The following ZNF385D variants were observed in gnomAD, a reference collection of about 807,000 sequenced individuals.
The protein encoded by ZNF385D is zinc finger protein 385D.
ZNF385D carries 15 observed loss-of-function variants against 35.8 expected under a neutral mutation model. That is an observed-to-expected ratio of 0.42 (90% confidence interval 0.28 to 0.64). The LOEUF is 0.64. Among genes scored for constraint, ZNF385D ranks in the 30% least tolerant of loss-of-function variants. The pLI is 0.23. For synonymous variants in ZNF385D, 212 were observed against 186.8 expected (o/e 1.13, Z -1.10); for missense variants, 474 against 494.6 (o/e 0.96, Z 0.39).
At chr3:21,720,903 C>T (rs2068513893) in intron 1 of ZNF385D, among the ~76,000 whole-genome samples, 1 of 152,080 alleles carries the variant, frequency 6.6e-6, no homozygotes, top group Non-Finnish European at 1.5e-5. Context: ...TGATTGCAAC[C>T]ACGCAATTAT....
rs1465086937 is a variant in ZNF385D, at chr3:22,094,393, T to TATATATATCAACAATATATATTGTTG, written c.325+74423_325+74424insCAACAATATATATTGTTGATATATAT. ...TTCTGTCATTTATTGTTGATATATA[T>TATATATATCAACAATATATATTGTTG]ATATATATATATATATAAAGGCATT... is the stretch of plus-strand genomic sequence containing the variant. On this transcript the variant is annotated intron_variant, in intron 3 of 5. Transcript: ENST00000494108. Among the ~76,000 whole-genome samples, 87 of 145,748 alleles carry TATATATATCAACAATATATATTGTTG rather than the reference T, an allele frequency of 6.0e-4. 2 individuals are homozygous for TATATATATCAACAATATATATTGTTG. The highest frequency in any genetic ancestry group is 2.0e-3 in the African/African-American group (81 of 39,546).
intron 3 of ZNF385D, among the ~76,000 whole-genome samples, chr3:21,913,172 A>C (rs1240892296): frequency 6.6e-6 from 1 of 152,084 alleles, no homozygotes; most frequent in Non-Finnish European, 1.5e-5. Flanking sequence ...CAGGAGAATG[A>C]ATCCTTGAGG....
intron 2 of ZNF385D, among the ~76,000 whole-genome samples, chr3:22,353,681 G>C (rs1262600486): frequency 6.6e-6 from 1 of 152,052 alleles, no homozygotes; most frequent in Non-Finnish European, 1.5e-5. Context: ...ATAACTCATG[G>C]TGATTTCAAT....
upstream of ZNF385D, among the ~76,000 whole-genome samples, chr3:21,755,228 A>C (rs2070288189): frequency 6.6e-6 from 1 of 152,166 alleles, no homozygotes; most frequent in Non-Finnish European, 1.5e-5. Context: ...AATTGTATCC[A>C]GTGTTCCTGA....
chr3:22,162,373 C>T (rs558200240), intron 3 of ZNF385D, among the ~76,000 whole-genome samples: 44 of 152,240 alleles, frequency 2.9e-4, no homozygotes, highest in Admixed American at 2.4e-3. Flanking sequence ...GTAAAGTAAA[C>T]AGCAGATGCA....
intron 2 of ZNF385D, among the ~76,000 whole-genome samples, chr3:22,219,262 C>T (rs561859421): frequency 6.6e-6 from 1 of 152,184 alleles, no homozygotes; most frequent in South Asian, 2.1e-4. Flanking sequence ...TCTGATATTT[C>T]TAGTCTTTTT....
Position 21,633,674 on chromosome 3 carries a change from TC to T in ZNF385D, c.165+31211del, listed in dbSNP as rs550914707. ...TAAGTTATTTAGGCAATCAATAAAT[TC>T]ATTATGATTCTCAAAGGTGGATGTT... On this transcript the variant is annotated intron_variant, in intron 2 of 7. Transcript: ENST00000281523. Among the ~76,000 whole-genome samples the T allele has an allele frequency of 1.2e-4, 18 of 152,240 alleles. No homozygotes were observed. In the South Asian group the frequency reaches 3.7e-3, roughly 31 times the overall value.
intron 3 of ZNF385D, among the ~76,000 whole-genome samples, chr3:21,767,383 T>C (rs1048749995): frequency 2.0e-5 from 3 of 152,130 alleles, no homozygotes; most frequent in African/African-American, 7.2e-5. Flanking sequence ...TCATTCTTTT[T>C]TTTCCAAGAT....
chr3:21,858,970 G>T (rs1252330296), intron 3 of ZNF385D, among the ~76,000 whole-genome samples: 1 of 151,972 alleles, frequency 6.6e-6, no homozygotes, highest in African/African-American at 2.4e-5. Context: ...AAGATATATA[G>T]AAACTGATTT....
chr3:21,448,769 T>A (rs1272545417), intron 4 of ZNF385D, among the ~76,000 whole-genome samples: 1 of 152,160 alleles, frequency 6.6e-6, no homozygotes, highest in African/African-American at 2.4e-5. Context: ...AAACTAGATT[T>A]TCATGAAATT....
At chr3:21,637,109 T>A (rs1430729365) in intron 2 of ZNF385D, among the ~76,000 whole-genome samples, 2 of 152,138 alleles carry the variant, frequency 1.3e-5, no homozygotes, top group Non-Finnish European at 2.9e-5. Context: ...TTTAATTAAG[T>A]CCCACCTATT....
intron 3 of ZNF385D, among the ~76,000 whole-genome samples, chr3:22,093,072 A>T (rs1480110433): frequency 2.0e-5 from 3 of 152,160 alleles, no homozygotes; most frequent in Admixed American, 6.6e-5. Context: ...GAGTCATAAG[A>T]CAAAGAGTGT....
chr3:21,548,241 C>G (rs1457422523), intron 3 of ZNF385D, among the ~76,000 whole-genome samples: 2 of 152,174 alleles, frequency 1.3e-5, no homozygotes, highest in African/African-American at 4.8e-5. Flanking sequence ...AAATATGCTG[C>G]AACACCACCA....
At chr3:21,862,427 C>G (rs929204418) in intron 3 of ZNF385D, among the ~76,000 whole-genome samples, 4 of 151,588 alleles carry the variant, frequency 2.6e-5, no homozygotes, top group Non-Finnish European at 4.4e-5. Flanking sequence ...TATCACAGTA[C>G]GATTGTAAGA....
intron 3 of ZNF385D, among the ~76,000 whole-genome samples, chr3:21,541,707 CAAAA>C (rs368688179): frequency 6.6e-6 from 1 of 151,730 alleles, no homozygotes; most frequent in African/African-American, 2.4e-5. Flanking sequence ...CAAAATATAA[CAAAA>C]AAAGCAAGAG....
At chr3:21,674,371 G>A (rs950211171) in intron 1 of ZNF385D, among the ~76,000 whole-genome samples, 1 of 152,076 alleles carries the variant, frequency 6.6e-6, no homozygotes, top group Non-Finnish European at 1.5e-5. Context: ...AGGAAAAGTA[G>A]AGTGGGACAC....
chr3:21,620,596 A>G (rs1360408708), intron 2 of ZNF385D, among the ~76,000 whole-genome samples: 1 of 152,140 alleles, frequency 6.6e-6, no homozygotes, highest in East Asian at 1.9e-4. Context: ...ATCAGGTAGC[A>G]CTGAATGTCA....
intron 4 of ZNF385D, among the ~76,000 whole-genome samples, chr3:21,453,193 C>A (rs1452278988): frequency 6.6e-6 from 1 of 151,100 alleles, no homozygotes; most frequent in Non-Finnish European, 1.5e-5. Context: ...TGAAGTTGGA[C>A]CCCTGCCTCA....
intron 3 of ZNF385D, among the ~76,000 whole-genome samples, chr3:21,521,321 C>G (rs754398112): frequency 6.6e-6 from 1 of 152,164 alleles, no homozygotes; most frequent in Admixed American, 6.5e-5. Context: ...TGGAGTCTAC[C>G]CATATTCAAT....
Sources: allele counts gnomAD v4.1 joint callset (sites outside exome capture counted in the v4.1 genomes callset), GRCh38; gene constraint gnomAD v4.1.1; transcripts MANE v1.5; gene names NCBI Gene and HGNC (gene_info 2026-07-23, HGNC 2026-07-21).